The following MBD2 variants were observed in gnomAD, a reference collection of about 807,000 sequenced individuals.
MBD2 encodes the protein methyl-CpG-binding domain protein 2.
In MBD2, 9 loss-of-function variants were observed where a neutral mutation model predicts 39.3. That is an observed-to-expected ratio of 0.23 (90% CI 0.14 to 0.40). MBD2 has a LOEUF of 0.40. Ranked by LOEUF, MBD2 falls within the 10% of genes least tolerant of loss-of-function variation. The probability of loss-of-function intolerance (pLI) is 1.00; values close to 1 mark genes in which losing one functional copy is unlikely to be tolerated. For missense variants in MBD2, 458 were observed against 532.6 expected, an observed-to-expected ratio of 0.86 and a Z score of 1.38; for synonymous variants, 233 against 211.1, an observed-to-expected ratio of 1.10 and a Z score of -0.90.
At chr18:54,212,996 C>A (rs1420212050) in intron 1 of MBD2, among the ~76,000 whole-genome samples, 9 of 142,352 alleles carry the variant, frequency 6.3e-5, no homozygotes, top group Non-Finnish European at 1.0e-4. Context: ...CACATCACTG[C>A]ACTCCAGCCT....
At chr18:54,203,171 T>A in intron 2 of MBD2, 3 of 1,592,690 alleles carry the variant, frequency 1.9e-6, no homozygotes, top group Non-Finnish European at 2.6e-6. Flanking sequence ...AACATAAGTG[T>A]CAGAAAATAA....
chr18:54,192,286 G>A (rs2086325546), intron 2 of MBD2, among the ~76,000 whole-genome samples: 1 of 152,186 alleles, frequency 6.6e-6, no homozygotes, highest in Non-Finnish European at 1.5e-5. Context: ...AGGCTGGAGT[G>A]CAGTGGCGCG....
At chr18:54,204,491 C>G (rs914526643) in intron 2 of MBD2, among the ~76,000 whole-genome samples, 11 of 152,104 alleles carry the variant, frequency 7.2e-5, no homozygotes, top group African/African-American at 2.7e-4. Flanking sequence ...AAACTATCAA[C>G]CAAACAGCTC....
At chr18:54,196,870 T>C (rs1419085649) in intron 2 of MBD2, among the ~76,000 whole-genome samples, 1 of 152,352 alleles carries the variant, frequency 6.6e-6, no homozygotes, top group East Asian at 1.9e-4. Context: ...TTTGCTAACA[T>C]GGCTAACATT....
chr18:54,210,551 G>A (rs1253348096), intron 1 of MBD2, among the ~76,000 whole-genome samples: 1 of 152,104 alleles, frequency 6.6e-6, no homozygotes, highest in Non-Finnish European at 1.5e-5. Flanking sequence ...TTGATAACAT[G>A]GATAATCATA....
At chr18:54,179,585 A>G (rs2086235262) in intron 3 of MBD2, among the ~76,000 whole-genome samples, 1 of 150,554 alleles carries the variant, frequency 6.6e-6, no homozygotes, top group Non-Finnish European at 1.5e-5. Flanking sequence ...AATTAATCAC[A>G]TAAACCAATC....
chr18:54,155,745 C>A (rs973755945), intron 6 of MBD2, among the ~76,000 whole-genome samples: 4 of 152,188 alleles, frequency 2.6e-5, no homozygotes, highest in Non-Finnish European at 4.4e-5. Context: ...CACATGAGAG[C>A]ATTTACAGAT....
At chr18:54,180,147 C>T (rs1370566361) in intron 3 of MBD2, among the ~76,000 whole-genome samples, 1 of 151,866 alleles carries the variant, frequency 6.6e-6, no homozygotes, top group Non-Finnish European at 1.5e-5. Context: ...ATCTAAGAAT[C>T]AATTAAAGAT....
intron 1 of MBD2, 89 bp downstream of exon 1, chr18:54,223,929 G>A: frequency 8.9e-7 from 1 of 1,119,150 alleles, no homozygotes; most frequent in Non-Finnish European, 1.2e-6. Context: ...TGCCCCCCGG[G>A]CCCCAGCGCT....
chr18:54,193,752 G>A (rs1317323413), intron 2 of MBD2, among the ~76,000 whole-genome samples: 2 of 152,142 alleles, frequency 1.3e-5, no homozygotes, highest in Non-Finnish European at 2.9e-5. Flanking sequence ...CCTGGGCAAA[G>A]AGAGAAACAT....
rs116648042 is a variant in MBD2, at chr18:54,196,790, T to C, written c.703-7779A>G. On this transcript the variant is annotated intron_variant, in intron 2 of 6. Coordinates refer to ENST00000256429, the MANE Select transcript of MBD2 (RefSeq NM_003927.5). The stretch of plus-strand genomic sequence containing the variant: ...AAAGTTCTATCACGCTTAGACACAT[T>C]TGAAGCACTAGTTTATAATATAATA... Among the ~76,000 whole-genome samples the C allele has an allele frequency of 8.4e-3, 1,278 of 152,302 alleles. 15 individuals carry two copies. Among genetic ancestry groups the C allele is most frequent in the African/African-American group, 0.029 (1,211 of 41,562 alleles).
chr18:54,202,873 A>T, intron 2 of MBD2: 1 of 1,284,188 alleles, frequency 7.8e-7, no homozygotes, highest in Non-Finnish European at 1.1e-6. Flanking sequence ...TCACAAATAC[A>T]ATGGCAAAGC....
chr18:54,224,199 C>A lies in MBD2; in HGVS notation c.361G>T (p.Ala121Ser), dbSNP rs1446637242. 4 of 1,202,838 alleles carry A rather than the reference C, an allele frequency of 3.3e-6. No individual in the cohort carries two copies. Among genetic ancestry groups the A allele is most frequent in the Middle Eastern group, 5.6e-4 (2 of 3,544 alleles). The allele number at this position is 1,202,838 out of a possible 1,614,324, so 74.5% of individuals were successfully genotyped here. A position where few individuals can be genotyped will look rare whatever the true frequency, so the allele number is the denominator to read the frequency against. ...CGGGGSGGGG[A>S]PRREPVPFPS... ...AAAGGGACCGGCTCCCGCCGGGGGG[C>A]GCCGCCGCCACCGCTGCCGCCGCCG... is the stretch of plus-strand genomic sequence containing the variant. The change falls in exon 1 of 7, where the codon GCC becomes TCC. Residue 121 changes from alanine (A) to serine (S), a missense_variant. Physicochemically the swap from Ala to Ser is moderately conservative, Grantham distance 99. Transcript: ENST00000256429.
At position 54,152,853 on chromosome 18, in the gene MBD2, G is replaced by A. The variant is rs907304618; in HGVS notation, c.*2471C>T. On this transcript the variant is annotated 3_prime_UTR_variant, in exon 7 of 7. Coordinates refer to ENST00000256429, the MANE Select transcript of MBD2 (RefSeq NM_003927.5). ...GTATTATTATTCCTATTTCACTGAG[G>A]AGGGACAGGCTCAAAGAGATTAAAT... is the stretch of plus-strand genomic sequence containing the variant. 5.3e-5 allele frequency: 8 copies of A among 152,190 alleles called. No homozygotes were observed. Among genetic ancestry groups the A allele is most frequent in the Non-Finnish European group, 1.0e-4 (7 of 68,048 alleles). 9.4% of individuals were successfully genotyped at this position (152,190 alleles called of 1,614,324 possible). A position where few individuals can be genotyped will look rare whatever the true frequency, so the allele number is the denominator to read the frequency against.
At chr18:54,206,730 C>A (rs1000160038) in intron 1 of MBD2, among the ~76,000 whole-genome samples, 3 of 150,792 alleles carry the variant, frequency 2.0e-5, no homozygotes, top group African/African-American at 5.0e-5. Flanking sequence ...GTATAGAGTT[C>A]AGCAGGCAGA....
intron 1 of MBD2, among the ~76,000 whole-genome samples, chr18:54,210,263 T>C (rs761751598): frequency 6.6e-6 from 1 of 152,160 alleles, no homozygotes; most frequent in Non-Finnish European, 1.5e-5. Flanking sequence ...CCAGTTCACA[T>C]AGGAACATTT....
intron 6 of MBD2, among the ~76,000 whole-genome samples, chr18:54,159,249 G>A (rs2086076587): frequency 1.3e-5 from 2 of 152,038 alleles, no homozygotes; most frequent in African/African-American, 4.8e-5. Context: ...TGACTGCAGG[G>A]GTGTGAATGT....
chr18:54,202,753 A>G, intron 2 of MBD2: 1 of 1,447,622 alleles, frequency 6.9e-7, no homozygotes, highest in Non-Finnish European at 9.1e-7. Context: ...GGTGGATGGT[A>G]AATCAAATAA....
At chr18:54,223,308 T>C (rs996095407) in intron 1 of MBD2, among the ~76,000 whole-genome samples, 2 of 152,216 alleles carry the variant, frequency 1.3e-5, no homozygotes, top group African/African-American at 4.8e-5. Flanking sequence ...GGCCAGATCA[T>C]TCTTTGTTGT....
Sources: gnomAD v4.1 joint callset for allele counts (sites outside exome capture counted in the v4.1 genomes callset) on GRCh38, gnomAD v4.1.1 for gene constraint, MANE v1.5 for transcripts, NCBI Gene and HGNC (gene_info 2026-07-23, HGNC 2026-07-21) for gene names.